ACSBG1: variants seen among roughly 807,000 people sequenced by gnomAD.
ACSBG1 encodes the protein acyl-CoA synthetase bubblegum family member 1.
Under a neutral mutation model 80.2 loss-of-function variants are expected in ACSBG1, and 39 were observed. That is an observed-to-expected ratio of 0.49 (90% CI 0.38 to 0.64). The LOEUF (loss-of-function observed/expected upper bound fraction) is 0.64. Among genes scored for constraint, ACSBG1 ranks in the 30% least tolerant of loss-of-function variants. The probability of loss-of-function intolerance (pLI) is 0.00; values close to 1 mark genes in which losing one functional copy is unlikely to be tolerated. For missense variants in ACSBG1, 828 were observed against 966.4 expected (o/e 0.86, Z 1.90); for synonymous variants, 392 against 379.5 (o/e 1.03, Z -0.38).
chr15:78,180,791 G>A lies in ACSBG1; in HGVS notation c.1217C>T (p.Ser406Leu), dbSNP rs753613833. Residue 406 changes from serine (S) to leucine (L), a missense_variant, in exon 9 of 14, where the codon TCG becomes TTG. Ser to Leu is a moderately radical substitution (Grantham distance 145). Around this residue, in one of 3 missense-constraint regions of ACSBG1, gnomAD observed 271 missense variants for 375.9 expected, o/e 0.72. Coordinates refer to ENST00000258873, the MANE Select transcript of ACSBG1 (RefSeq NM_015162.5). ...GGTGAGGTTCTGCTCCAAGGTCACC[G>A]ACATGGCCCACAGCAGCATCTTTCG... ...IRRKMLLWAMSVTLEQNLTCP... is the reference protein window; with the variant it reads ...IRRKMLLWAMLVTLEQNLTCP... 8 of 1,614,048 alleles carry A rather than the reference G, an allele frequency of 5.0e-6. No homozygotes were observed. The highest frequency in any genetic ancestry group is 3.3e-5 in the Admixed American group (2 of 60,012).
chr15:78,169,656 T>C lies in ACSBG1; in HGVS notation c.*1788A>G, dbSNP rs546232709. 2 of 152,326 alleles carry C rather than the reference T, an allele frequency of 1.3e-5. No homozygotes were observed. The highest frequency in any genetic ancestry group is 2.4e-5 in the African/African-American group (1 of 41,578). The allele number at this position is 152,326 out of a possible 1,614,324, so 9.4% of individuals were successfully genotyped here. A position where few individuals can be genotyped will look rare whatever the true frequency, so the allele number is the denominator to read the frequency against. ...TTGTTAATAAGACAAAGGTAATATA[T>C]TGGATACAAAGACACAAATGTATTG... On this transcript the variant is annotated 3_prime_UTR_variant, in exon 14 of 14. Transcript: ENST00000258873.
rs138877360 is a variant in ACSBG1, at chr15:78,182,705, C to T, written c.744G>A (p.Thr248=). 5.0e-6 allele frequency: 8 copies of T among 1,614,228 alleles called. No individual in the cohort carries two copies. Among genetic ancestry groups the T allele is most frequent in the South Asian group, 1.1e-5 (1 of 91,092 alleles). Residue 248 remains threonine, a splice_region_variant and synonymous_variant, in exon 6 of 14, where the codon ACG becomes ACA. Transcript: ENST00000258873. ...GCGCCCAGGGCCCCACTGCCCATAC[C>T]GTGTACACATTGGCCATCTTGTTTG... The part of the protein sequence containing the change: ...PPPNKMANVY[T]MEEFMELGNE...
intron 1 of ACSBG1, among the ~76,000 whole-genome samples, chr15:78,225,399 C>T (rs865798966): frequency 1.5e-5 from 1 of 66,368 alleles, no homozygotes; most frequent in Non-Finnish European, 3.3e-5. Flanking sequence ...GAAACTCTGT[C>T]TCAATAAATA....
chr15:78,212,130 G>A (rs1047426505), intron 1 of ACSBG1, among the ~76,000 whole-genome samples: 1 of 152,172 alleles, frequency 6.6e-6, no homozygotes, highest in Admixed American at 6.5e-5. Flanking sequence ...CAGCAGCCAG[G>A]CCACTGTTGT....
At chr15:78,188,103 G>A (rs1338599911) in intron 5 of ACSBG1, among the ~76,000 whole-genome samples, 5 of 152,114 alleles carry the variant, frequency 3.3e-5, no homozygotes, top group Non-Finnish European at 7.3e-5. Context: ...AAATACCTAG[G>A]AATTCAACTT....
At chr15:78,181,224 TTC>T in intron 8 of ACSBG1, 1 of 395,182 alleles carries the variant, frequency 2.5e-6, no homozygotes, top group Non-Finnish European at 4.5e-6. Flanking sequence ...AAGAATCCCA[TTC>T]CCCTCGGCAG....
At chr15:78,218,091 G>A (rs185079617) in intron 1 of ACSBG1, among the ~76,000 whole-genome samples, 20 of 152,222 alleles carry the variant, frequency 1.3e-4, no homozygotes, top group African/African-American at 2.6e-4. Context: ...TACCGCAAGC[G>A]TGACTTTAGG....
In ACSBG1 at chr15:78,171,293, T is replaced by G; in HGVS notation, c.*151A>C. The G allele has an allele frequency of 1.8e-6, 1 of 564,520 alleles. No individual in the cohort carries two copies. The highest frequency in any genetic ancestry group is 3.1e-6 in the Non-Finnish European group (1 of 319,302). 35.0% of individuals were successfully genotyped at this position (564,520 alleles called of 1,614,324 possible). ...TGTCAGCTATTGTTGGCGTAAGACC[T>G]GGTAAATGTAGAGCCAGTGCTGTGC... is the stretch of plus-strand genomic sequence containing the variant. On this transcript the variant is annotated 3_prime_UTR_variant, in exon 14 of 14. Coordinates refer to ENST00000258873, the MANE Select transcript of ACSBG1 (RefSeq NM_015162.5).
At chr15:78,209,257 A>G (rs1338597145) in intron 1 of ACSBG1, 2 of 455,742 alleles carry the variant, frequency 4.4e-6, no homozygotes, top group East Asian at 1.4e-4. Context: ...AACCTGAGAT[A>G]GGTTTTAAAG....
At chr15:78,176,015 T>C (rs747380533) in intron 11 of ACSBG1, among the ~76,000 whole-genome samples, 11 of 152,156 alleles carry the variant, frequency 7.2e-5, no homozygotes, top group Non-Finnish European at 1.2e-4. Context: ...ACTTCTTTAA[T>C]CAGATAAGGA....
intron 5 of ACSBG1, among the ~76,000 whole-genome samples, chr15:78,187,671 A>G (rs1037959637): frequency 2.6e-5 from 4 of 152,246 alleles, no homozygotes; most frequent in Non-Finnish European, 5.9e-5. Flanking sequence ...GATGGGATGT[A>G]TCTCAAAATA....
chr15:78,212,244 G>A (rs1435382223), intron 1 of ACSBG1, among the ~76,000 whole-genome samples: 3 of 152,128 alleles, frequency 2.0e-5, no homozygotes, highest in East Asian at 1.9e-4. Context: ...TAGCTATGTG[G>A]CCGAGTCACG....
At chr15:78,184,832 T>C (rs778044697) in intron 5 of ACSBG1, among the ~76,000 whole-genome samples, 43 of 152,208 alleles carry the variant, frequency 2.8e-4, no homozygotes, top group Non-Finnish European at 4.0e-4. Context: ...CCAGTGCCCA[T>C]ACGGTGTACA....
Position 78,178,811 on chromosome 15 carries a change from C to G in ACSBG1, c.1505G>C (p.Gly502Ala). 6.2e-7 allele frequency: 1 copy of G among 1,612,700 alleles called. No homozygotes were observed. The highest frequency in any genetic ancestry group is 1.1e-5 in the South Asian group (1 of 91,034). Residue 502 changes from glycine to alanine, a missense_variant, in exon 11 of 14, where the codon GGC (glycine) becomes GCC (alanine). Around this residue, in one of 3 missense-constraint regions of ACSBG1, gnomAD observed 271 missense variants for 375.9 expected, o/e 0.72. Coordinates refer to ENST00000258873, the MANE Select transcript of ACSBG1 (RefSeq NM_015162.5). This position sits in a 1 kb window ranked among gnomAD's most constrained non-coding sequence, Gnocchi z 4.3. ...CTGGTTCACCAGCTTCACCCGACAG[C>G]CGGGCACCAACTTGCCTGAGCTGGC... is the stretch of plus-strand genomic sequence containing the variant. ...RLYSSGKLVP[G>A]CRVKLVNQDA...
chr15:78,234,466 TG>T lies in ACSBG1; in HGVS notation c.35del (p.Pro12HisfsTer21). 6.2e-7 allele frequency: 1 copy of T among 1,612,300 alleles called. No individual in the cohort carries two copies. On this transcript the variant is annotated frameshift_variant, in exon 1 of 14. Coordinates refer to ENST00000258873, the MANE Select transcript of ACSBG1 (RefSeq NM_015162.5). LOFTEE classifies it high-confidence loss of function. Reference sequence around the variant, plus strand: ...TGTCCAGCATGCTGGGGTCCCCGTGTGGGCAGCCGTATCCAGCTCCAGAATT... The same window carrying T: ...TGTCCAGCATGCTGGGGTCCCCGTGTGGCAGCCGTATCCAGCTCCAGAATT... ...PRNSGAGYGCPHGDPSMLDSR... is the reference protein window; with the variant it reads ...PRNSGAGYGCXHGDPSMLDSR...
At chr15:78,211,483 C>T (rs2075266993) in intron 1 of ACSBG1, among the ~76,000 whole-genome samples, 1 of 151,976 alleles carries the variant, frequency 6.6e-6, no homozygotes, top group Non-Finnish European at 1.5e-5. Context: ...GCCCTTTTCA[C>T]TCGTCTTTGA....
At position 78,178,862 on chromosome 15, in the gene ACSBG1, G is replaced by A. The variant is rs754393299; in HGVS notation, c.1485-31C>T. The A allele has an allele frequency of 2.5e-6, 4 of 1,572,830 alleles. No individual in the cohort carries two copies. The South Asian group carries it at 4.6e-5, about 18-fold the overall frequency. On this transcript the variant is annotated intron_variant, in intron 10 of 13. Transcript: ENST00000258873. This position sits in a 1 kb window ranked among gnomAD's most constrained non-coding sequence, Gnocchi z 4.3. ...GAGGGAGGGGCCGGGAGACTGGTCA[G>A]AGGGAGCCGTCTCCTCCAAGCCCCC...
Position 78,180,879 on chromosome 15 carries a change from G to A in ACSBG1, c.1129C>T (p.Arg377Trp). The part of the protein sequence containing the change: ...VEPTSHMGVP[R>W]VWEKIMERIQ... ...CGCTCCATGATCTTCTCCCATACCC[G>A]GGGCACCCCCATGTGTGATGTGGGC... Residue 377 changes from arginine to tryptophan, a missense_variant, in exon 9 of 14, where the codon CGG becomes TGG. This residue lies in a region of ACSBG1 where 271 missense variants were observed against 375.9 expected (regional missense o/e 0.72). Transcript: ENST00000258873. 1 of 1,614,130 alleles carries A rather than the reference G, an allele frequency of 6.2e-7. No individual in the cohort carries two copies. Among genetic ancestry groups the A allele is most frequent in the Non-Finnish European group, 8.5e-7 (1 of 1,180,014 alleles).
Position 78,171,497 on chromosome 15 carries a change from A to G in ACSBG1, c.2122T>C (p.Leu708=), listed in dbSNP as rs372529648. Residue 708 remains leucine (L), a synonymous_variant, in exon 14 of 14, where the codon TTG becomes CTG. Coordinates refer to ENST00000258873, the MANE Select transcript of ACSBG1 (RefSeq NM_015162.5). The part of the protein sequence containing the change: ...PTMKLKRLTV[L]EKYKGIIDSF... The stretch of plus-strand genomic sequence containing the variant: ...TCAATGATACCTTTGTACTTCTCCA[A>G]AACTGTGAGCCGTTTCAGTTTCATC... 17 of 1,614,084 alleles carry G rather than the reference A, an allele frequency of 1.1e-5. No homozygotes were observed. The African/African-American group carries it at 1.7e-4, about 16-fold the overall frequency.
Sources: gnomAD v4.1 joint callset for allele counts (sites outside exome capture counted in the v4.1 genomes callset) on GRCh38, gnomAD v4.1.1 for gene constraint, gnomAD v4.1.1 regional missense constraint, Gnocchi (gnomAD v3.1) non-coding constraint, MANE v1.5 for transcripts, NCBI Gene and HGNC (gene_info 2026-07-23, HGNC 2026-07-21) for gene names.